NOL4: variants seen among roughly 807,000 people sequenced by gnomAD.
The protein encoded by NOL4 is cancer/testis antigen 125.
Under a neutral mutation model 75.9 loss-of-function variants are expected in NOL4, and 17 were observed. That is an observed-to-expected ratio of 0.22 (90% CI 0.15 to 0.34). NOL4 has a LOEUF of 0.34. Among genes scored for constraint, NOL4 ranks in the 10% least tolerant of loss-of-function variants. The pLI, the probability that NOL4 is intolerant of heterozygous loss-of-function variation, is 1.00. For synonymous variants in NOL4, 292 were observed against 289.9 expected, an observed-to-expected ratio of 1.01 and a Z score of -0.07; for missense variants, 614 against 793.5, an observed-to-expected ratio of 0.77 and a Z score of 2.72.
In NOL4 at chr18:33,863,613, C is replaced by T. The variant is rs138849765; in HGVS notation, c.1724-10578G>A. On this transcript the variant is annotated intron_variant, in intron 10 of 10. Coordinates refer to ENST00000261592, the MANE Select transcript of NOL4 (RefSeq NM_003787.5). ...TTTGACTCATGTCTCACATCCAGGG[C>T]ATGCTGATGCACAGGGTGGTCTCTC... is the stretch of plus-strand genomic sequence containing the variant. Among the ~76,000 whole-genome samples, 363 of 152,280 alleles carry T rather than the reference C, an allele frequency of 2.4e-3. 3 individuals carry two copies. The highest frequency in any genetic ancestry group is 0.01 in the Middle Eastern group (3 of 294).
At chr18:34,019,178 G>A (rs1400984083) in intron 6 of NOL4, 140 bp downstream of exon 6, 5 of 678,564 alleles carry the variant, frequency 7.4e-6, no homozygotes, top group Non-Finnish European at 1.2e-5. Flanking sequence ...TATGCTTGGT[G>A]ATAAGTTTCT....
chr18:34,116,293 T>TAA (rs137948671), intron 2 of NOL4, among the ~76,000 whole-genome samples: 3 of 151,156 alleles, frequency 2.0e-5, no homozygotes, highest in East Asian at 2.0e-4. Flanking sequence ...CTGTGGGTTA[T>TAA]AAAAAAAAAC....
intron 1 of NOL4, among the ~76,000 whole-genome samples, chr18:34,197,652 G>A (rs1285032269): frequency 1.3e-5 from 2 of 151,952 alleles, no homozygotes; most frequent in Admixed American, 1.3e-4. Flanking sequence ...GCTGTAAAAA[G>A]TGTCACTTGA....
intron 5 of NOL4, among the ~76,000 whole-genome samples, chr18:34,065,296 A>T (rs1404937133): frequency 6.6e-6 from 1 of 151,922 alleles, no homozygotes; most frequent in Non-Finnish European, 1.5e-5. Context: ...AATATTTATT[A>T]ATTTTCTCTG....
chr18:34,139,746 C>T (rs1277026493), intron 1 of NOL4, among the ~76,000 whole-genome samples: 1 of 152,098 alleles, frequency 6.6e-6, no homozygotes. Flanking sequence ...GCTCTTGCTT[C>T]TCTAGTTCTT....
At chr18:33,930,343 T>A (rs1221270729) in intron 9 of NOL4, among the ~76,000 whole-genome samples, 11 of 152,162 alleles carry the variant, frequency 7.2e-5, no homozygotes, top group Admixed American at 5.9e-4. Flanking sequence ...TCTGGACTAA[T>A]AAAGGTAAGA....
chr18:33,888,269 G>A (rs554987331), intron 9 of NOL4, among the ~76,000 whole-genome samples: 13 of 152,146 alleles, frequency 8.5e-5, no homozygotes, highest in Admixed American at 8.5e-4. Flanking sequence ...TGATGGGGTT[G>A]CTTTTTTCTT....
chr18:34,003,924 C>G (rs1452682793), intron 6 of NOL4, among the ~76,000 whole-genome samples: 1 of 152,056 alleles, frequency 6.6e-6, no homozygotes, highest in African/African-American at 2.4e-5. Flanking sequence ...TCAGGCACAG[C>G]TGACCAGCAT....
At chr18:34,039,956 C>T (rs980724012) in intron 5 of NOL4, among the ~76,000 whole-genome samples, 5 of 151,926 alleles carry the variant, frequency 3.3e-5, no homozygotes, top group Non-Finnish European at 2.9e-5. Context: ...TTAGATAACT[C>T]CATCTAACTG....
At chr18:33,883,216 A>C in intron 10 of NOL4, 28 bp downstream of exon 10, 1 of 1,534,846 alleles carries the variant, frequency 6.5e-7, no homozygotes, top group Non-Finnish European at 8.8e-7. Flanking sequence ...TAATTAAAAA[A>C]AAAACACAAT....
At chr18:34,095,005 A>G (rs1023162150) in intron 4 of NOL4, among the ~76,000 whole-genome samples, 3 of 152,166 alleles carry the variant, frequency 2.0e-5, no homozygotes, top group African/African-American at 7.2e-5. Flanking sequence ...GAACAAGACT[A>G]TCCTGGTAGA....
rs1406288432 is a variant in NOL4, at chr18:34,224,175, C to T, written c.-922G>A. ...GGCAGGCCGCTGGCGGCGGGTATCC[C>T]GAATAATGATGGGACCCCCAGACAG... On this transcript the variant is annotated 5_prime_UTR_variant, in exon 1 of 11. Coordinates refer to ENST00000261592, the MANE Select transcript of NOL4 (RefSeq NM_003787.5). The T allele has an allele frequency of 6.6e-6, 1 of 152,312 alleles. No individual in the cohort carries two copies. The highest frequency in any genetic ancestry group is 2.4e-5 in the African/African-American group (1 of 41,476). The allele number at this position is 152,312 out of a possible 1,614,324, so 9.4% of individuals were successfully genotyped here.
chr18:34,171,959 C>T (rs2033084877), intron 1 of NOL4, among the ~76,000 whole-genome samples: 1 of 152,016 alleles, frequency 6.6e-6, no homozygotes, highest in Admixed American at 6.6e-5. Flanking sequence ...TGCAAAACTC[C>T]AATACAATAC....
At chr18:34,101,887 A>G (rs1352646702) in intron 4 of NOL4, among the ~76,000 whole-genome samples, 2 of 152,064 alleles carry the variant, frequency 1.3e-5, no homozygotes, top group African/African-American at 2.4e-5. Flanking sequence ...AAAATTTAAA[A>G]GTTCTTAAAA....
At chr18:34,090,433 G>A (rs1268078563) in intron 5 of NOL4, among the ~76,000 whole-genome samples, 3 of 152,124 alleles carry the variant, frequency 2.0e-5, no homozygotes, top group African/African-American at 7.2e-5. Flanking sequence ...TTAGGAAATA[G>A]GTAAGGGGAG....
intron 5 of NOL4, among the ~76,000 whole-genome samples, chr18:34,091,157 C>T (rs2078499259): frequency 6.7e-6 from 1 of 149,674 alleles, no homozygotes; most frequent in Admixed American, 6.7e-5. Flanking sequence ...CAAAACCAGC[C>T]TGGCCAACAT....
chr18:34,204,721 G>A (rs1239068562), intron 1 of NOL4, among the ~76,000 whole-genome samples: 1 of 151,968 alleles, frequency 6.6e-6, no homozygotes, highest in South Asian at 2.1e-4. Flanking sequence ...TTTAGTCAGA[G>A]GTGGTACTTC....
At chr18:34,025,493 G>A (rs1476519245) in intron 5 of NOL4, among the ~76,000 whole-genome samples, 1 of 152,144 alleles carries the variant, frequency 6.6e-6, no homozygotes, top group Non-Finnish European at 1.5e-5. Flanking sequence ...ACCCTGGGAA[G>A]AATTGTCAAA....
chr18:34,184,277 A>G (rs955631991), intron 1 of NOL4, among the ~76,000 whole-genome samples: 20 of 152,078 alleles, frequency 1.3e-4, no homozygotes, highest in African/African-American at 4.8e-4. Flanking sequence ...TATTACTACC[A>G]TAATAACTGC....
Sources: gnomAD v4.1 joint callset for allele counts (sites outside exome capture counted in the v4.1 genomes callset) on GRCh38, gnomAD v4.1.1 for gene constraint, MANE v1.5 for transcripts, NCBI Gene and HGNC (gene_info 2026-07-23, HGNC 2026-07-21) for gene names.